ZNF385D: variants seen among roughly 807,000 people sequenced by gnomAD.
ZNF385D encodes zinc finger protein 385D, also known as zinc finger protein 659.
In ZNF385D, 15 loss-of-function variants were observed where a neutral mutation model predicts 35.8. That is an observed-to-expected ratio of 0.42 (90% CI 0.28 to 0.64). ZNF385D has a LOEUF of 0.64. Among genes scored for constraint, ZNF385D ranks in the 30% least tolerant of loss-of-function variants. ZNF385D has a pLI of 0.23. For missense variants in ZNF385D, 474 were observed against 494.6 expected, an observed-to-expected ratio of 0.96 and a Z score of 0.39; for synonymous variants, 212 against 186.8, an observed-to-expected ratio of 1.13 and a Z score of -1.10.
chr3:21,894,012 G>A (rs9826718), intron 3 of ZNF385D, among the ~76,000 whole-genome samples: 2,608 of 152,214 alleles, frequency 0.017, 78 homozygotes, highest in African/African-American at 0.058. Context: ...GACTTAGGAA[G>A]TTCAAAAATA....
At chr3:21,974,147 G>A (rs1239991964) in intron 3 of ZNF385D, among the ~76,000 whole-genome samples, 1 of 151,892 alleles carries the variant, frequency 6.6e-6, no homozygotes, top group Non-Finnish European at 1.5e-5. Flanking sequence ...CAAAACTTGA[G>A]GAATCACATT....
chr3:22,009,311 A>G (rs768230617), intron 3 of ZNF385D, among the ~76,000 whole-genome samples: 18 of 152,054 alleles, frequency 1.2e-4, no homozygotes, highest in Non-Finnish European at 1.8e-4. Flanking sequence ...GGAATATTAT[A>G]TATTATAAAT....
intron 3 of ZNF385D, among the ~76,000 whole-genome samples, chr3:21,916,344 A>C (rs1419384993): frequency 1.3e-5 from 2 of 152,126 alleles, no homozygotes; most frequent in Non-Finnish European, 2.9e-5. Flanking sequence ...TTGTTCTTCA[A>C]ACTAACCCTC....
Position 22,272,803 on chromosome 3 carries a change from C to A in ZNF385D, c.106+99647G>T, listed in dbSNP as rs75278831. 4.5e-3 allele frequency among the ~76,000 whole-genome samples: 677 copies of A among 152,096 alleles called. 7 individuals are homozygous for A. Among genetic ancestry groups the A allele is most frequent in the African/African-American group, 0.016 (644 of 41,538 alleles). ...ATTGTAGTATCTCAGACTTATCTTA[C>A]ATATCTGTATCTTTTAAAATACATA... On this transcript the variant is annotated intron_variant, in intron 2 of 5. Transcript: ENST00000494108.
At chr3:22,320,962 CA>C (rs774635432) in intron 2 of ZNF385D, among the ~76,000 whole-genome samples, 3 of 151,772 alleles carry the variant, frequency 2.0e-5, no homozygotes, top group Non-Finnish European at 2.9e-5. Flanking sequence ...CAAAAGTAAA[CA>C]TTTTTTTGAA....
intron 2 of ZNF385D, among the ~76,000 whole-genome samples, chr3:22,368,279 C>T (rs1696745477): frequency 6.6e-6 from 1 of 152,126 alleles, no homozygotes; most frequent in Admixed American, 6.5e-5. Flanking sequence ...ATAAGATACT[C>T]TTTGAGACAT....
rs951215201 is a variant in ZNF385D at position 21,465,905 on chromosome 3, T to G, written c.440-28702A>C. On this transcript the variant is annotated intron_variant, in intron 4 of 7. Transcript: ENST00000281523. This position sits in a 1 kb window ranked among gnomAD's most constrained non-coding sequence, Gnocchi z 4.2. Reference sequence around the variant, plus strand: ...ACACCTCAGGATACAGGAGCTGCCGTGAGCACAAATAGAGATGCTCTTCTG... The same window carrying G: ...ACACCTCAGGATACAGGAGCTGCCGGGAGCACAAATAGAGATGCTCTTCTG... Among the ~76,000 whole-genome samples, 4 of 152,174 alleles carry G rather than the reference T, an allele frequency of 2.6e-5. No individual in the cohort carries two copies. Among genetic ancestry groups the G allele is most frequent in the African/African-American group, 9.7e-5 (4 of 41,436 alleles).
At chr3:21,765,722 C>A (rs12633115) in intron 3 of ZNF385D, among the ~76,000 whole-genome samples, 1 of 151,378 alleles carries the variant, frequency 6.6e-6, no homozygotes, top group Non-Finnish European at 1.5e-5. Context: ...CATACACACA[C>A]AGAGAGAGAA....
At chr3:21,649,395 G>A (rs1409913744) in intron 2 of ZNF385D, among the ~76,000 whole-genome samples, 3 of 152,072 alleles carry the variant, frequency 2.0e-5, no homozygotes, top group African/African-American at 4.8e-5. Flanking sequence ...ATAGATTGAT[G>A]TCCCCAGGAA....
intron 2 of ZNF385D, among the ~76,000 whole-genome samples, chr3:21,636,442 C>T (rs186186617): frequency 7.9e-6 from 1 of 126,142 alleles, no homozygotes; most frequent in East Asian, 2.3e-4. Flanking sequence ...TTAACTCACA[C>T]GATCACAAGA....
chr3:21,917,896 C>G (rs12487611), intron 3 of ZNF385D, among the ~76,000 whole-genome samples: 81,342 of 151,974 alleles, frequency 0.54, 23,822 homozygotes, highest in South Asian at 0.66. Context: ...AAAATATATA[C>G]TGCATGCAAA....
intron 4 of ZNF385D, among the ~76,000 whole-genome samples, chr3:21,474,928 CT>C (rs1233899275): frequency 6.6e-6 from 1 of 151,864 alleles, no homozygotes; most frequent in African/African-American, 2.4e-5. Context: ...ATAAGAAATC[CT>C]TTCTCTAGCT....
intron 3 of ZNF385D, among the ~76,000 whole-genome samples, chr3:22,024,156 C>T (rs1394161278): frequency 6.6e-6 from 1 of 152,132 alleles, no homozygotes; most frequent in Non-Finnish European, 1.5e-5. Context: ...CAGTCTATAT[C>T]TTTCTCCCAT....
At chr3:21,981,749 T>C (rs757876680) in intron 3 of ZNF385D, among the ~76,000 whole-genome samples, 7 of 152,096 alleles carry the variant, frequency 4.6e-5, no homozygotes, top group African/African-American at 1.4e-4. Flanking sequence ...GTATGGTGTA[T>C]GGAAGGAGTC....
intron 3 of ZNF385D, among the ~76,000 whole-genome samples, chr3:22,003,373 G>T (rs1054664948): frequency 6.6e-6 from 1 of 152,084 alleles, no homozygotes; most frequent in African/African-American, 2.4e-5. Flanking sequence ...TAATCAGGAG[G>T]TAAAAGACCT....
intron 2 of ZNF385D, among the ~76,000 whole-genome samples, chr3:22,358,767 G>A (rs908412083): frequency 5.9e-5 from 9 of 151,696 alleles, no homozygotes; most frequent in African/African-American, 1.2e-4. Flanking sequence ...GACTTAAAAA[G>A]CAAGGAAAAA....
intron 3 of ZNF385D, among the ~76,000 whole-genome samples, chr3:21,858,342 T>C (rs1696849203): frequency 1.3e-5 from 2 of 152,132 alleles, no homozygotes; most frequent in Middle Eastern, 6.8e-3. Context: ...CACAGTGGAC[T>C]CTGGTCAAAT....
intron 3 of ZNF385D, among the ~76,000 whole-genome samples, chr3:22,020,199 G>C (rs955143835): frequency 2.6e-5 from 4 of 151,840 alleles, no homozygotes; most frequent in African/African-American, 9.7e-5. Context: ...TCTTAAAGTG[G>C]TGTGGGGTAC....
At chr3:22,146,365 G>A (rs1704853214) in intron 3 of ZNF385D, among the ~76,000 whole-genome samples, 2 of 152,078 alleles carry the variant, frequency 1.3e-5, no homozygotes, top group Non-Finnish European at 1.5e-5. Context: ...ATCATTAACT[G>A]CAATAAACTG....
Sources: gnomAD v4.1 joint callset for allele counts (sites outside exome capture counted in the v4.1 genomes callset) on GRCh38, gnomAD v4.1.1 for gene constraint, Gnocchi (gnomAD v3.1) non-coding constraint, MANE v1.5 for transcripts, NCBI Gene and HGNC (gene_info 2026-07-23, HGNC 2026-07-21) for gene names.